The following ARIH2 variants were observed in gnomAD, a reference collection of about 807,000 sequenced individuals.
ARIH2 encodes E3 ubiquitin-protein ligase ARIH2.
ARIH2 carries 12 observed loss-of-function variants against 79.8 expected under a neutral mutation model. The observed-to-expected ratio is 0.15, with a 90% CI of 0.10 to 0.24. The LOEUF (loss-of-function observed/expected upper bound fraction) is 0.24, where lower values mean the gene tolerates loss of function less well. ARIH2 is among the 10% of genes least tolerant of loss of function. The pLI, the probability that ARIH2 is intolerant of heterozygous loss-of-function variation, is 1.00. For synonymous variants in ARIH2, 224 were observed against 213.9 expected (o/e 1.05, Z -0.41); for missense variants, 301 against 618.3 (o/e 0.49, Z 5.44).
chr3:48,965,253 G>T (rs2091670466), intron 5 of ARIH2, among the ~76,000 whole-genome samples: 1 of 151,876 alleles, frequency 6.6e-6, no homozygotes, highest in Non-Finnish European at 1.5e-5. Flanking sequence ...CCAGCTACTC[G>T]GGAGGCTAAG....
intron 3 of ARIH2, among the ~76,000 whole-genome samples, chr3:48,928,916 A>G (rs745578177): frequency 2.0e-5 from 3 of 152,030 alleles, no homozygotes; most frequent in Non-Finnish European, 4.4e-5. Context: ...ATGAGGACCT[A>G]TGGATCCTCT....
At chr3:48,919,780 T>G (rs960367059) in intron 1 of ARIH2, among the ~76,000 whole-genome samples, 5 of 152,200 alleles carry the variant, frequency 3.3e-5, no homozygotes, top group African/African-American at 1.2e-4. Flanking sequence ...ACGAAATTGC[T>G]GATTTCTAGT....
rs1021873578 is a variant in ARIH2 at position 48,940,498 on chromosome 3, G to A, written c.255+12685G>A. On this transcript the variant is annotated intron_variant, in intron 3 of 15. Coordinates refer to ENST00000356401, the MANE Select transcript of ARIH2 (RefSeq NM_006321.4). ...GCAGATCACTTGAGGTCAGTGTTGC[G>A]AGAAGTCAGGGACCCTAAATGGAGG... Among the ~76,000 whole-genome samples, 3 of 152,068 alleles carry A rather than the reference G, an allele frequency of 2.0e-5. No individual in the cohort carries two copies. In the East Asian group the frequency reaches 5.8e-4, roughly 30 times the overall value.
At chr3:48,961,776 A>G (rs570508737) in intron 4 of ARIH2, 97 bp downstream of exon 4, 18 of 778,010 alleles carry the variant, frequency 2.3e-5, no homozygotes, top group Middle Eastern at 2.3e-4. Context: ...CTATATTCCA[A>G]TGTGCATAGT....
At chr3:48,955,757 G>A (rs953755967) in intron 3 of ARIH2, among the ~76,000 whole-genome samples, 1 of 152,176 alleles carries the variant, frequency 6.6e-6, no homozygotes, top group African/African-American at 2.4e-5. Flanking sequence ...CCTGCCAGGA[G>A]GCCAAGATGG....
intron 11 of ARIH2, among the ~76,000 whole-genome samples, chr3:48,977,663 T>C (rs988398158): frequency 6.6e-6 from 1 of 152,234 alleles, no homozygotes; most frequent in Non-Finnish European, 1.5e-5. Flanking sequence ...TTCACCTTGT[T>C]GGCCATGCTG....
intron 14 of ARIH2, 188 bp from the exon 15 acceptor site, chr3:48,982,708 C>A: frequency 1.7e-6 from 1 of 575,282 alleles, no homozygotes; most frequent in Middle Eastern, 4.4e-4. Context: ...TGTGGCCTTG[C>A]TGTTTGGATA....
In ARIH2 at chr3:48,985,621, G is replaced by A. The variant is rs1021836786; in HGVS notation, c.*2351G>A. Reference sequence around the variant, plus strand: ...TCTGGCCAGTGAACACCAGAGGAGTGCCTTCCTATCAGTCAGCCCCTTCTT... The same window carrying A: ...TCTGGCCAGTGAACACCAGAGGAGTACCTTCCTATCAGTCAGCCCCTTCTT... On this transcript the variant is annotated 3_prime_UTR_variant, in exon 16 of 16. Transcript: ENST00000356401. The A allele has an allele frequency of 3.3e-5, 5 of 152,180 alleles. No individual in the cohort carries two copies. In the South Asian group the frequency reaches 1.0e-3, roughly 31 times the overall value. The allele number at this position is 152,180 out of a possible 1,614,324, so 9.4% of individuals were successfully genotyped here. A position where few individuals can be genotyped will look rare whatever the true frequency, so the allele number is the denominator to read the frequency against.
intron 11 of ARIH2, among the ~76,000 whole-genome samples, chr3:48,978,553 A>G (rs2092638081): frequency 6.8e-6 from 1 of 146,816 alleles, no homozygotes. Context: ...TCCTGACCTC[A>G]GGTGATCCAT....
chr3:48,969,029 A>G (rs1331700686), intron 7 of ARIH2, among the ~76,000 whole-genome samples: 1 of 151,990 alleles, frequency 6.6e-6, no homozygotes, highest in Non-Finnish European at 1.5e-5. Flanking sequence ...GACTACAGGC[A>G]TGCACCACCA....
chr3:48,940,808 A>AAAAATATATAT (rs759369585), intron 3 of ARIH2, among the ~76,000 whole-genome samples: 27 of 98,062 alleles, frequency 2.8e-4, no homozygotes, highest in African/African-American at 8.2e-4. Flanking sequence ...AAAAAAAAAA[A>AAAAATATATAT]ATATATATAT....
At chr3:48,967,024 C>A in intron 5 of ARIH2, 101 bp from the exon 6 acceptor site, 2 of 1,263,598 alleles carry the variant, frequency 1.6e-6, no homozygotes, top group Non-Finnish European at 2.2e-6. Context: ...ATACTTGTTG[C>A]AGGGTGAGGA....
chr3:48,958,605 GA>G (rs1358515378), intron 3 of ARIH2, among the ~76,000 whole-genome samples: 2 of 152,130 alleles, frequency 1.3e-5, no homozygotes, highest in African/African-American at 4.8e-5. Flanking sequence ...AGCTACTTGG[GA>G]GGCTGAGGCA....
chr3:48,934,113 G>A (rs1343342894), intron 3 of ARIH2, among the ~76,000 whole-genome samples: 1 of 152,104 alleles, frequency 6.6e-6, no homozygotes, highest in African/African-American at 2.4e-5. Context: ...CTCTGTAGAT[G>A]AATAGTAATG....
At chr3:48,928,392 T>C (rs1057243811) in intron 3 of ARIH2, among the ~76,000 whole-genome samples, 4 of 152,250 alleles carry the variant, frequency 2.6e-5, no homozygotes, top group Non-Finnish European at 4.4e-5. Flanking sequence ...AAGCATTTTA[T>C]TTAACACATA....
Position 48,985,087 on chromosome 3 carries a change from T to C in ARIH2, c.*1817T>C, listed in dbSNP as rs1185586489. 2 of 152,216 alleles carry C rather than the reference T, an allele frequency of 1.3e-5. No individual in the cohort carries two copies. The highest frequency in any genetic ancestry group is 2.9e-5 in the Non-Finnish European group (2 of 68,068). 9.4% of individuals were successfully genotyped at this position (152,216 alleles called of 1,614,324 possible). A position where few individuals can be genotyped will look rare whatever the true frequency, so the allele number is the denominator to read the frequency against. ...ATGCTGTATTGGCACAGGGAATAAATATCCTGGCGTCTGGAGCCTTCACCT... is the reference window on the plus strand; with the variant it reads ...ATGCTGTATTGGCACAGGGAATAAACATCCTGGCGTCTGGAGCCTTCACCT... On this transcript the variant is annotated 3_prime_UTR_variant, in exon 16 of 16. Coordinates refer to ENST00000356401, the MANE Select transcript of ARIH2 (RefSeq NM_006321.4).
At chr3:48,954,894 G>T (rs1033263211) in intron 3 of ARIH2, among the ~76,000 whole-genome samples, 18 of 152,094 alleles carry the variant, frequency 1.2e-4, no homozygotes, top group Non-Finnish European at 2.5e-4. Context: ...AATGTTTCTA[G>T]AAATAGAAAA....
At chr3:48,935,205 T>C (rs961366344) in intron 3 of ARIH2, among the ~76,000 whole-genome samples, 3 of 152,256 alleles carry the variant, frequency 2.0e-5, no homozygotes, top group African/African-American at 4.8e-5. Context: ...GTTATGTTCC[T>C]GTGCCAGGCA....
intron 8 of ARIH2, chr3:48,970,953 G>T (rs2092191869): frequency 1.4e-5 from 5 of 367,474 alleles, no homozygotes; most frequent in South Asian, 3.4e-5. Flanking sequence ...TATGCTACTA[G>T]GTCTCATGGC....
Sources: gnomAD v4.1 joint callset for allele counts (sites outside exome capture counted in the v4.1 genomes callset) on GRCh38, gnomAD v4.1.1 for gene constraint, MANE v1.5 for transcripts, NCBI Gene and HGNC (gene_info 2026-07-23, HGNC 2026-07-21) for gene names.